Variants in PSIP1 observed in about 807,000 individuals in gnomAD.
PSIP1 encodes PC4 and SFRS1-interacting protein.
PSIP1 carries 19 observed loss-of-function variants against 74.7 expected under a neutral mutation model. The observed-to-expected ratio is 0.25, with a 90% CI of 0.18 to 0.37. The LOEUF (loss-of-function observed/expected upper bound fraction) is 0.37. Among genes scored for constraint, PSIP1 ranks in the 10% least tolerant of loss-of-function variants. The pLI is 1.00. For missense variants in PSIP1, 601 were observed against 614.3 expected (o/e 0.98, Z 0.23); for synonymous variants, 222 against 195.3 (o/e 1.14, Z -1.14).
intron 3 of PSIP1, among the ~76,000 whole-genome samples, chr9:15,495,760 A>G (rs1210857936): frequency 1.3e-5 from 2 of 152,180 alleles, no homozygotes; most frequent in African/African-American, 4.8e-5. Context: ...TATCACTTCT[A>G]TTAATAGGAT....
intron 3 of PSIP1, among the ~76,000 whole-genome samples, chr9:15,500,680 C>T (rs933048523): frequency 1.3e-5 from 2 of 152,138 alleles, no homozygotes; most frequent in African/African-American, 2.4e-5. Flanking sequence ...ACTCCTAAAA[C>T]TATAAATTAG....
intron 3 of PSIP1, among the ~76,000 whole-genome samples, chr9:15,494,109 A>C (rs1390479183): frequency 6.6e-6 from 1 of 152,186 alleles, no homozygotes; most frequent in South Asian, 2.1e-4. Context: ...TTTCCTCTAA[A>C]ATGTACTAAA....
chr9:15,489,384 G>T (rs1276382485), intron 4 of PSIP1: 1 of 152,102 alleles, frequency 6.6e-6, no homozygotes, highest in African/African-American at 2.4e-5. Flanking sequence ...GAGGTGGGTG[G>T]ATCACCTGAA....
At chr9:15,488,865 C>CA (rs1474327355) in intron 4 of PSIP1, among the ~76,000 whole-genome samples, 4 of 152,018 alleles carry the variant, frequency 2.6e-5, no homozygotes, top group African/African-American at 2.4e-5. Context: ...ACTAAAAATA[C>CA]AAAAAATTAG....
intron 3 of PSIP1, chr9:15,506,146 A>C: frequency 6.5e-6 from 1 of 154,770 alleles, no homozygotes; most frequent in African/African-American, 2.4e-5. Context: ...CATGGAGGGA[A>C]CTAGCTAGAC....
chr9:15,508,762 T>C (rs963672606), intron 2 of PSIP1, among the ~76,000 whole-genome samples: 2 of 152,212 alleles, frequency 1.3e-5, no homozygotes, highest in Middle Eastern at 3.2e-3. Context: ...CTACGGACTA[T>C]GGAGGGTATA....
At chr9:15,495,974 G>C (rs181195026) in intron 3 of PSIP1, among the ~76,000 whole-genome samples, 8 of 152,012 alleles carry the variant, frequency 5.3e-5, no homozygotes, top group African/African-American at 1.9e-4. Flanking sequence ...TATCATCTTT[G>C]TTGACCAATT....
intron 6 of PSIP1, among the ~76,000 whole-genome samples, chr9:15,482,034 A>C (rs1301324389): frequency 6.6e-6 from 1 of 152,142 alleles, no homozygotes; most frequent in African/African-American, 2.4e-5. Context: ...TCCATATTTT[A>C]CTTGCTCTGA....
chr9:15,505,834 C>T (rs1480916042), intron 3 of PSIP1: 2 of 152,188 alleles, frequency 1.3e-5, no homozygotes, highest in East Asian at 3.8e-4. Context: ...ATACATAATT[C>T]TAATCAGAAT....
chr9:15,477,930 G>T (rs950686646), intron 8 of PSIP1, among the ~76,000 whole-genome samples: 2 of 151,632 alleles, frequency 1.3e-5, no homozygotes, highest in African/African-American at 4.8e-5. Flanking sequence ...TTGAGCCCAG[G>T]AGTTTGAGAC....
chr9:15,495,716 A>G (rs993745930), intron 3 of PSIP1, among the ~76,000 whole-genome samples: 2 of 152,224 alleles, frequency 1.3e-5, no homozygotes, highest in African/African-American at 2.4e-5. Context: ...TCATGCTTTC[A>G]ATGATGTGAA....
intron 3 of PSIP1, chr9:15,505,897 G>C (rs961413888): frequency 1.3e-5 from 2 of 152,148 alleles, no homozygotes; most frequent in African/African-American, 2.4e-5. Flanking sequence ...CCAAAATTAT[G>C]ACAGACACCA....
chr9:15,492,052 A>G (rs993288421), intron 3 of PSIP1: 4 of 152,222 alleles, frequency 2.6e-5, no homozygotes, highest in Admixed American at 1.3e-4. Context: ...GAGCCAAACC[A>G]TATCATTCTG....
chr9:15,487,793 A>G (rs1046219979), intron 4 of PSIP1, among the ~76,000 whole-genome samples: 1 of 152,230 alleles, frequency 6.6e-6, no homozygotes, highest in African/African-American at 2.4e-5. Flanking sequence ...CACAGGACAT[A>G]AACCTTTGTT....
intron 2 of PSIP1, among the ~76,000 whole-genome samples, chr9:15,509,231 T>C (rs2037737229): frequency 6.6e-6 from 1 of 152,242 alleles, no homozygotes; most frequent in Non-Finnish European, 1.5e-5. Flanking sequence ...CAGAACCCCA[T>C]GTAAGTATAT....
chr9:15,492,821 G>A (rs1454485876), intron 3 of PSIP1, among the ~76,000 whole-genome samples: 2 of 152,202 alleles, frequency 1.3e-5, no homozygotes, highest in Admixed American at 1.3e-4. Context: ...AGCTGCCAAG[G>A]CTTGGGGCTT....
intron 3 of PSIP1, chr9:15,505,821 G>C (rs1171658678): frequency 2.0e-5 from 3 of 152,180 alleles, no homozygotes; most frequent in Non-Finnish European, 4.4e-5. Flanking sequence ...GCCACTCTTA[G>C]GAATACATAA....
At chr9:15,467,784 A>G (rs985109095) in intron 14 of PSIP1, among the ~76,000 whole-genome samples, 1 of 152,218 alleles carries the variant, frequency 6.6e-6, no homozygotes, top group Admixed American at 6.5e-5. Flanking sequence ...AGTAGAAGCT[A>G]AGGTTCAGTG....
intron 3 of PSIP1, among the ~76,000 whole-genome samples, chr9:15,494,863 C>CT (rs1316718041): frequency 6.6e-6 from 1 of 152,092 alleles, no homozygotes; most frequent in African/African-American, 2.4e-5. Context: ...ACACATTTAG[C>CT]TCTAACAGTA....
Sources: allele counts gnomAD v4.1 joint callset (sites outside exome capture counted in the v4.1 genomes callset), GRCh38; gene constraint gnomAD v4.1.1; transcripts MANE v1.5; gene names NCBI Gene and HGNC (gene_info 2026-07-23, HGNC 2026-07-21).